ZNF85: variants seen among roughly 807,000 people sequenced by gnomAD.
The protein encoded by ZNF85 is zinc finger protein 85.
In ZNF85, 50 loss-of-function variants were observed where a neutral mutation model predicts 53.9. The ratio of observed to expected loss-of-function variants is 0.93; its 90% CI spans 0.74 to 1.17. ZNF85 has a LOEUF of 1.17. Among genes scored for constraint, ZNF85 ranks in the 50% most tolerant of loss-of-function variants. The pLI is 0.00. For synonymous variants in ZNF85, 225 were observed against 226.1 expected (o/e 1.00, Z 0.04); for missense variants, 747 against 688.5 (o/e 1.08, Z -0.95).
rs1973556705 is a variant in ZNF85 at position 20,950,438 on chromosome 19, G to A, written c.*136G>A. ...CAGACTTATAAAAGTAATCATACTG[G>A]TGAGAAATTCTAAAAATGTGAAGAC... On this transcript the variant is annotated 3_prime_UTR_variant, in exon 4 of 4. Transcript: ENST00000328178. The A allele has an allele frequency of 5.0e-6, 3 of 602,060 alleles. No homozygotes were observed. The highest frequency in any genetic ancestry group is 7.9e-5 in the South Asian group (2 of 25,194). The allele number at this position is 602,060 out of a possible 1,614,324, so 37.3% of individuals were successfully genotyped here. A position where few individuals can be genotyped will look rare whatever the true frequency, so the allele number is the denominator to read the frequency against.
intron 1 of ZNF85, chr19:20,928,707 C>T (rs1972936593): frequency 6.6e-6 from 1 of 152,322 alleles, no homozygotes; most frequent in African/African-American, 2.4e-5. Context: ...GAATCTGCAG[C>T]AGCAAACTGT....
Position 20,950,053 on chromosome 19 carries a change from A to G in ZNF85, c.1539A>G (p.Glu513=). ...CTGGAGAGAAACCATACAAATGTGA[A>G]GAATGTGGCAAAGCTTTTAACCAAT... The part of the protein sequence containing the change: ...IHTGEKPYKC[E]ECGKAFNQSS... The change falls in exon 4 of 4, where the codon GAA becomes GAG. Residue 513 remains glutamate (E), a synonymous_variant. Coordinates refer to ENST00000328178, the MANE Select transcript of ZNF85 (RefSeq NM_003429.5). 1 of 1,613,236 alleles carries G rather than the reference A, an allele frequency of 6.2e-7. No individual in the cohort carries two copies. Among genetic ancestry groups the G allele is most frequent in the Non-Finnish European group, 8.5e-7 (1 of 1,179,792 alleles).
rs751910451 is a variant in ZNF85, at chr19:20,949,318, C to G, written c.804C>G (p.Asn268Lys). 5 of 1,607,876 alleles carry G rather than the reference C, an allele frequency of 3.1e-6. No individual in the cohort carries two copies. Among genetic ancestry groups the G allele is most frequent in the Non-Finnish European group, 4.2e-6 (5 of 1,176,656 alleles). The change falls in exon 4 of 4, where the codon AAC (asparagine) becomes AAG (lysine). Residue 268 changes from asparagine (N) to lysine (K), a missense_variant. By Grantham distance (94) the Asn-to-Lys change is moderately conservative. Coordinates refer to ENST00000328178, the MANE Select transcript of ZNF85 (RefSeq NM_003429.5). ...GTGAAGAATGTGGCAAAACTTTTAACCGATTCTCAACTCTTACTACCCATA... is the reference window on the plus strand; with the variant it reads ...GTGAAGAATGTGGCAAAACTTTTAAGCGATTCTCAACTCTTACTACCCATA... ...YKCEECGKTF[N>K]RFSTLTTHKI...
At chr19:20,930,646 A>G (rs559616083) in intron 1 of ZNF85, among the ~76,000 whole-genome samples, 1 of 152,366 alleles carries the variant, frequency 6.6e-6, no homozygotes, top group African/African-American at 2.4e-5. Context: ...TGCTTAATAT[A>G]TCTTGCATTA....
rs78728943 is a variant in ZNF85, at chr19:20,936,535, G to A, written c.229+1488G>A. 215 of 152,516 alleles carry A rather than the reference G, an allele frequency of 1.4e-3. No homozygotes were observed. The Middle Eastern group carries it at 0.016, about 12-fold the overall frequency. The allele number at this position is 152,516 out of a possible 1,614,324, so 9.4% of individuals were successfully genotyped here. On this transcript the variant is annotated intron_variant, in intron 3 of 3. Coordinates refer to ENST00000328178, the MANE Select transcript of ZNF85 (RefSeq NM_003429.5). ...ATGGGTCCACCCTACTGCTGTGTCC[G>A]GTTTCCATTGGCTACAACAGGACCT...
intron 3 of ZNF85, among the ~76,000 whole-genome samples, chr19:20,940,428 T>C (rs1157289038): frequency 6.6e-6 from 1 of 152,130 alleles, no homozygotes; most frequent in Non-Finnish European, 1.5e-5. Flanking sequence ...TCCAAGATCT[T>C]TGGAAGATTG....
chr19:20,931,471 G>T (rs1973015956), intron 1 of ZNF85, among the ~76,000 whole-genome samples: 1 of 152,140 alleles, frequency 6.6e-6, no homozygotes, highest in African/African-American at 2.4e-5. Context: ...TGACTCTTAA[G>T]TTGAGGCCAG....
intron 1 of ZNF85, among the ~76,000 whole-genome samples, chr19:20,925,801 C>G (rs766991955): frequency 3.3e-5 from 5 of 152,052 alleles, no homozygotes; most frequent in Non-Finnish European, 7.4e-5. Flanking sequence ...TCAGCACTGT[C>G]CCTCTGTGGG....
chr19:20,947,488 CTTTTTTTTTTTT>C (rs768097517), intron 3 of ZNF85, among the ~76,000 whole-genome samples: 11 of 51,636 alleles, frequency 2.1e-4, no homozygotes, highest in East Asian at 1.6e-3. Flanking sequence ...TGCCAATACA[CTTTTTTTTTTTT>C]TTTTTTTTTT....
At position 20,934,218 on chromosome 19, in the gene ZNF85, G is replaced by A. The variant is rs917781960; in HGVS notation, c.130+68G>A. The A allele has an allele frequency of 2.6e-6, 4 of 1,554,694 alleles. No homozygotes were observed. In the African/African-American group the frequency reaches 5.6e-5, roughly 22 times the overall value. ...GTTTTATTTCTTTTATTTGTGGAAT[G>A]TTTTTCTGGTAAAGTGTGCTTTGCA... On this transcript the variant is annotated intron_variant, in intron 2 of 3. Coordinates refer to ENST00000328178, the MANE Select transcript of ZNF85 (RefSeq NM_003429.5).
intron 3 of ZNF85, among the ~76,000 whole-genome samples, chr19:20,942,468 A>G (rs1048180563): frequency 1.3e-5 from 2 of 152,080 alleles, no homozygotes; most frequent in African/African-American, 4.8e-5. Flanking sequence ...AGGAAGTATA[A>G]TGCCTCTGTT....
chr19:20,935,954 T>C (rs1973148435), intron 3 of ZNF85, among the ~76,000 whole-genome samples: 1 of 152,216 alleles, frequency 6.6e-6, no homozygotes, highest in Non-Finnish European at 1.5e-5. Context: ...TAAAATATTT[T>C]AAAATTTATT....
chr19:20,925,234 G>A (rs185300963), intron 1 of ZNF85, among the ~76,000 whole-genome samples: 7 of 152,140 alleles, frequency 4.6e-5, no homozygotes, highest in South Asian at 2.1e-4. Flanking sequence ...CGAGGCGGGC[G>A]GATCGCGAGG....
At chr19:20,930,128 A>ACCC (rs1273490169) in intron 1 of ZNF85, among the ~76,000 whole-genome samples, 14 of 150,490 alleles carry the variant, frequency 9.3e-5, no homozygotes, top group Admixed American at 6.6e-4. Context: ...CCCAAAAAAA[A>ACCC]AAAAAAAAAA....
chr19:20,932,535 A>G (rs898529551), intron 1 of ZNF85, among the ~76,000 whole-genome samples: 2 of 152,210 alleles, frequency 1.3e-5, no homozygotes, highest in Admixed American at 1.3e-4. Context: ...TGGATACTCA[A>G]GATTTCTATT....
At chr19:20,931,858 C>T (rs372398167) in intron 1 of ZNF85, among the ~76,000 whole-genome samples, 100 of 152,202 alleles carry the variant, frequency 6.6e-4, no homozygotes, top group African/African-American at 2.3e-3. Context: ...CTGCCTGCCT[C>T]GGCCTCCCAA....
At chr19:20,934,782 CAAA>C (rs57803900) in intron 2 of ZNF85, among the ~76,000 whole-genome samples, 164 bp from the exon 3 acceptor site, 5 of 78,386 alleles carry the variant, frequency 6.4e-5, no homozygotes, top group Admixed American at 3.0e-4. Flanking sequence ...GACTCCATCT[CAAA>C]AAAAAAAAAA....
intron 1 of ZNF85, among the ~76,000 whole-genome samples, chr19:20,924,174 T>C (rs1972827986): frequency 6.6e-6 from 1 of 151,890 alleles, no homozygotes; most frequent in Non-Finnish European, 1.5e-5. Context: ...CACTCAGCTA[T>C]GGTTTGTAGT....
intron 3 of ZNF85, among the ~76,000 whole-genome samples, chr19:20,938,641 A>G (rs1233862313): frequency 6.6e-6 from 1 of 152,220 alleles, no homozygotes; most frequent in African/African-American, 2.4e-5. Flanking sequence ...ACAATATGCT[A>G]GAATTTACAT....
Sources: allele counts gnomAD v4.1 joint callset (sites outside exome capture counted in the v4.1 genomes callset), GRCh38; gene constraint gnomAD v4.1.1; transcripts MANE v1.5; gene names NCBI Gene and HGNC (gene_info 2026-07-23, HGNC 2026-07-21).